ZNF268: variants seen among roughly 807,000 people sequenced by gnomAD.
ZNF268 encodes zinc finger protein 268, also known as zinc finger protein 3.
A neutral mutation model predicts 29.3 loss-of-function variants in ZNF268; 20 were observed. The observed-to-expected ratio is 0.68, with a 90% confidence interval of 0.48 to 0.99. ZNF268 has a LOEUF of 0.99. ZNF268 is among the 50% of genes least tolerant of loss of function. The probability of loss-of-function intolerance (pLI) is 0.00; values close to 1 mark genes in which losing one functional copy is unlikely to be tolerated. For synonymous variants in ZNF268, 429 were observed against 376.9 expected, an observed-to-expected ratio of 1.14 and a Z score of -1.60; for missense variants, 1,240 against 1,121.6, an observed-to-expected ratio of 1.11 and a Z score of -1.51.
intron 5 of ZNF268, among the ~76,000 whole-genome samples, chr12:133,193,938 G>GT (rs1956537063): frequency 6.6e-6 from 1 of 151,874 alleles, no homozygotes; most frequent in African/African-American, 2.4e-5. Flanking sequence ...TAAATTCTAA[G>GT]TTTTTTTTCC....
In ZNF268 at chr12:133,202,940, C is replaced by T. The variant is rs766670874; in HGVS notation, c.1254C>T (p.Cys418=). The T allele has an allele frequency of 1.6e-5, 25 of 1,544,572 alleles. No homozygotes were observed. In the African/African-American group the frequency reaches 3.3e-4, roughly 20 times the overall value. The change falls in exon 6 of 6, where the codon TGC becomes TGT. Residue 418 remains cysteine (C), a synonymous_variant. Transcript: ENST00000536435. ...RIHTGEKPYE[C]NECQKAFNTK... is the part of the protein sequence containing the mutation. ...ATACAGGAGAGAAACCATATGAATG[C>T]AATGAATGTCAGAAAGCCTTTAATA...
At chr12:133,190,895 T>C (rs1438825409) in intron 3 of ZNF268, among the ~76,000 whole-genome samples, 1 of 151,450 alleles carries the variant, frequency 6.6e-6, no homozygotes, top group Non-Finnish European at 1.5e-5. Context: ...TTCCTGGACA[T>C]AGAGGTTGGT....
rs1361141728 is a variant in ZNF268 at position 133,205,700 on chromosome 12, C to A, written c.*1170C>A. ...TCTTGGCAGCAACCTCTTTAGTAAT[C>A]AATATAAGGCACACTTCATGTGTTT... On this transcript the variant is annotated 3_prime_UTR_variant, in exon 6 of 6. Transcript: ENST00000536435. The A allele has an allele frequency of 1.3e-5, 2 of 152,186 alleles. No individual in the cohort carries two copies. Among genetic ancestry groups the A allele is most frequent in the African/African-American group, 2.4e-5 (1 of 41,446 alleles). The allele number at this position is 152,186 out of a possible 1,614,324, so 9.4% of individuals were successfully genotyped here.
chr12:133,190,031 T>A (rs1471213338), intron 3 of ZNF268, among the ~76,000 whole-genome samples: 2 of 152,038 alleles, frequency 1.3e-5, no homozygotes, highest in Non-Finnish European at 2.9e-5. Context: ...GATGGTCTCG[T>A]TCTCCTGACT....
At chr12:133,201,367 C>T (rs1007594638) in intron 5 of ZNF268, among the ~76,000 whole-genome samples, 1 of 151,578 alleles carries the variant, frequency 6.6e-6, no homozygotes, top group African/African-American at 2.4e-5. Context: ...TTTTCTATAT[C>T]CTCTGTCATT....
chr12:133,190,934 GTCGAAC>G (rs67955329), intron 3 of ZNF268, among the ~76,000 whole-genome samples: 52,027 of 151,628 alleles, frequency 0.34, 9,281 homozygotes, highest in African/African-American at 0.41. Context: ...GGAGTGATCA[GTCGAAC>G]TTGTTTGCCT....
At chr12:133,187,718 C>G (rs1956358892) in intron 2 of ZNF268, 154 bp from the exon 3 acceptor site, 3 of 713,542 alleles carry the variant, frequency 4.2e-6, no homozygotes, top group Non-Finnish European at 6.8e-6. Context: ...TGTCAGGAAG[C>G]CATTTCTTTT....
chr12:133,198,987 A>G (rs1356197233), intron 5 of ZNF268, among the ~76,000 whole-genome samples: 8 of 150,268 alleles, frequency 5.3e-5, no homozygotes, highest in Admixed American at 5.3e-4. Flanking sequence ...GCAAACAGGG[A>G]CAATTTGACT....
intron 1 of ZNF268, 28 bp from the exon 2 acceptor site, chr12:133,181,918 T>G (rs1281369083): frequency 1.3e-6 from 2 of 1,496,414 alleles, no homozygotes; most frequent in South Asian, 2.4e-5. Context: ...CTGGGTGACC[T>G]CTTTCTTCAC....
rs930468005 is a variant in ZNF268 at position 133,205,384 on chromosome 12, A to G, written c.*854A>G. 4 of 152,044 alleles carry G rather than the reference A, an allele frequency of 2.6e-5. No homozygotes were observed. Among genetic ancestry groups the G allele is most frequent in the African/African-American group, 9.7e-5 (4 of 41,414 alleles). 9.4% of individuals were successfully genotyped at this position (152,044 alleles called of 1,614,324 possible). ...AAATAACATCCCAGAGCCTACAGGG[A>G]TATTTAGATATCTTCCTATGTGTAC... is the stretch of plus-strand genomic sequence containing the variant. On this transcript the variant is annotated 3_prime_UTR_variant, in exon 6 of 6. Transcript: ENST00000536435.
Position 133,202,686 on chromosome 12 carries a change from T to C in ZNF268, c.1000T>C (p.Cys334Arg), listed in dbSNP as rs919338891. The C allele has an allele frequency of 6.2e-7, 1 of 1,609,700 alleles. No individual in the cohort carries two copies. The highest frequency in any genetic ancestry group is 1.3e-5 in the African/African-American group (1 of 74,988). Residue 334 changes from cysteine (C) to arginine (R), a missense_variant, in exon 6 of 6, where the codon TGC (cysteine) becomes CGC (arginine). This residue lies in a region of ZNF268 where 1,177 missense variants were observed against 1,039.6 expected (regional missense o/e 1.13). Transcript: ENST00000536435. ...RIHTGEKLHE[C>R]SECRKTFSFH... ...TCATACAGGAGAGAAACTACATGAA[T>C]GCAGTGAATGCAGGAAAACATTCAG...
At position 133,181,822 on chromosome 12, in the gene ZNF268, G is replaced by A. The variant is rs1207768409; in HGVS notation, c.-52-124G>A. ...TGAGGGTGTGGAGATGGTGAATCCC[G>A]TGCTGTGGGAGGGAAGGAGCCTCAG... On this transcript the variant is annotated intron_variant, in intron 1 of 5. Transcript: ENST00000536435. 8 of 659,556 alleles carry A rather than the reference G, an allele frequency of 1.2e-5. No homozygotes were observed. The South Asian group carries it at 1.2e-4, about 10-fold the overall frequency. The allele number at this position is 659,556 out of a possible 1,614,324, so 40.9% of individuals were successfully genotyped here. A position where few individuals can be genotyped will look rare whatever the true frequency, so the allele number is the denominator to read the frequency against.
chr12:133,188,552 A>G (rs1246375030), intron 3 of ZNF268, among the ~76,000 whole-genome samples: 2 of 152,056 alleles, frequency 1.3e-5, no homozygotes, highest in East Asian at 1.9e-4. Flanking sequence ...CTTTATTTAT[A>G]TATTCTCTTA....
At chr12:133,199,952 A>G (rs940560153) in intron 5 of ZNF268, among the ~76,000 whole-genome samples, 4 of 151,904 alleles carry the variant, frequency 2.6e-5, no homozygotes, top group African/African-American at 9.7e-5. Context: ...CGGTCTATCA[A>G]TTTTGTTGAT....
rs1034427173 is a variant in ZNF268, at chr12:133,208,371, C to T, written c.*3841C>T. 6.6e-6 allele frequency: 1 copy of T among 152,266 alleles called. No individual in the cohort carries two copies. Among genetic ancestry groups the T allele is most frequent in the African/African-American group, 2.4e-5 (1 of 41,428 alleles). The allele number at this position is 152,266 out of a possible 1,614,324, so 9.4% of individuals were successfully genotyped here. ...GTCAGCCAGGTGTGGTGGCACGTGC[C>T]TGTAATCCCATCTACTCGGGAGGCT... On this transcript the variant is annotated 3_prime_UTR_variant, in exon 6 of 6. Transcript: ENST00000536435.
intron 3 of ZNF268, among the ~76,000 whole-genome samples, chr12:133,188,893 A>G (rs971021177): frequency 2.0e-5 from 3 of 152,128 alleles, no homozygotes; most frequent in African/African-American, 7.2e-5. Flanking sequence ...AGATATTTCT[A>G]ACTTTTACTG....
chr12:133,187,310 T>G (rs952141995), intron 2 of ZNF268, among the ~76,000 whole-genome samples: 24 of 152,104 alleles, frequency 1.6e-4, no homozygotes, highest in Admixed American at 3.3e-4. Context: ...ATATTTCTCA[T>G]TTCACATTTT....
At chr12:133,202,035 A>G (rs1956761993) in intron 5 of ZNF268, 109 bp from the exon 6 acceptor site, 1 of 914,494 alleles carries the variant, frequency 1.1e-6, no homozygotes, top group Non-Finnish European at 1.6e-6. Context: ...AGTATACCAC[A>G]ATCATGTGAT....
In ZNF268 at chr12:133,211,290, T is replaced by C. The variant is rs908868698; in HGVS notation, c.*6760T>C. 20 of 345,570 alleles carry C rather than the reference T, an allele frequency of 5.8e-5. No individual in the cohort carries two copies. The highest frequency in any genetic ancestry group is 2.7e-4 in the South Asian group (12 of 44,250). The allele number at this position is 345,570 out of a possible 1,614,324, so 21.4% of individuals were successfully genotyped here. On this transcript the variant is annotated 3_prime_UTR_variant, in exon 6 of 6. Transcript: ENST00000536435. ...TCCAAATACATACTTTCCAAAGATA[T>C]ACAGATGGTGGCCAGGCACGGTGGC... is the stretch of plus-strand genomic sequence containing the variant.
Sources: allele counts gnomAD v4.1 joint callset (sites outside exome capture counted in the v4.1 genomes callset), GRCh38; gene constraint gnomAD v4.1.1; regional missense constraint gnomAD v4.1.1; transcripts MANE v1.5; gene names NCBI Gene and HGNC (gene_info 2026-07-23, HGNC 2026-07-21).